PDE10A: variants seen among roughly 807,000 people sequenced by gnomAD.
PDE10A encodes the protein cAMP and cAMP-inhibited cGMP 3',5'-cyclic phosphodiesterase 10A.
A neutral mutation model predicts 97.7 loss-of-function variants in PDE10A; 39 were observed. The ratio of observed to expected loss-of-function variants is 0.40; its 90% CI spans 0.31 to 0.52. PDE10A has a LOEUF of 0.52. Among genes scored for constraint, PDE10A ranks in the 20% least tolerant of loss-of-function variants. PDE10A has a pLI of 0.56. For synonymous variants in PDE10A, 371 were observed against 376.8 expected, an observed-to-expected ratio of 0.98 and a Z score of 0.18; for missense variants, 731 against 1,047.8, an observed-to-expected ratio of 0.70 and a Z score of 4.17.
intron 17 of PDE10A, among the ~76,000 whole-genome samples, chr6:165,384,389 T>G (rs1785119307): frequency 6.6e-6 from 1 of 152,094 alleles, no homozygotes; most frequent in Non-Finnish European, 1.5e-5. Flanking sequence ...AAAACAATCC[T>G]GATGGCCAGC....
At chr6:165,511,552 CA>C (rs1439261853) in intron 2 of PDE10A, among the ~76,000 whole-genome samples, 1 of 151,960 alleles carries the variant, frequency 6.6e-6, no homozygotes, top group African/African-American at 2.4e-5. Flanking sequence ...CCAGTTTAAA[CA>C]CAATGTTTAT....
At chr6:165,548,394 G>A (rs1783845976) in intron 1 of PDE10A, among the ~76,000 whole-genome samples, 1 of 145,854 alleles carries the variant, frequency 6.9e-6, no homozygotes, top group Middle Eastern at 3.8e-3. Context: ...AGGTCTCTTT[G>A]GTCCAATAAT....
intron 2 of PDE10A, among the ~76,000 whole-genome samples, chr6:165,522,242 T>G (rs1782171055): frequency 6.6e-6 from 1 of 152,140 alleles, no homozygotes; most frequent in Non-Finnish European, 1.5e-5. Context: ...GTACCAATCC[T>G]AGTGAAACAA....
chr6:165,607,219 T>C (rs1787252327), intron 1 of PDE10A, among the ~76,000 whole-genome samples: 1 of 152,170 alleles, frequency 6.6e-6, no homozygotes, highest in South Asian at 2.1e-4. Flanking sequence ...CCCAACGCCT[T>C]GAGTTAATTT....
intron 1 of PDE10A, among the ~76,000 whole-genome samples, chr6:165,628,564 T>A (rs1387469665): frequency 6.6e-6 from 1 of 151,662 alleles, no homozygotes; most frequent in Non-Finnish European, 1.5e-5. Flanking sequence ...GGTCTCGATA[T>A]CCAGGCTCGC....
chr6:165,894,684 C>T (rs1414426541), intron 1 of PDE10A: 1 of 362,714 alleles, frequency 2.8e-6, no homozygotes, highest in African/African-American at 2.1e-5. Context: ...GAGGATTCTT[C>T]TCAATTCAGA....
chr6:165,455,574 C>G (rs1386346935), intron 3 of PDE10A, among the ~76,000 whole-genome samples: 2 of 152,240 alleles, frequency 1.3e-5, no homozygotes, highest in South Asian at 2.1e-4. Context: ...TCAAAAACTA[C>G]TAACTGCTAC....
chr6:165,340,397 A>G (rs1781903826), intron 19 of PDE10A, among the ~76,000 whole-genome samples: 1 of 152,162 alleles, frequency 6.6e-6, no homozygotes, highest in African/African-American at 2.4e-5. Context: ...TACTATCACC[A>G]TAATTAGGTA....
intron 3 of PDE10A, among the ~76,000 whole-genome samples, chr6:165,481,394 C>T (rs578210961): frequency 6.6e-6 from 1 of 152,216 alleles, no homozygotes; most frequent in South Asian, 2.1e-4. Context: ...AGGAATTCTT[C>T]CCTCCCCTAT....
At chr6:165,484,399 T>A (rs1779781129) in intron 2 of PDE10A, among the ~76,000 whole-genome samples, 1 of 152,250 alleles carries the variant, frequency 6.6e-6, no homozygotes. Flanking sequence ...TCTCTGTCAC[T>A]GCGTTACTGC....
chr6:165,448,798 T>C (rs933892330), intron 5 of PDE10A, 130 bp downstream of exon 5: 15 of 609,368 alleles, frequency 2.5e-5, no homozygotes, highest in African/African-American at 1.7e-4. Flanking sequence ...TAACCAAATA[T>C]AGAAACAAAA....
intron 1 of PDE10A, among the ~76,000 whole-genome samples, chr6:165,727,409 A>G (rs1792326739): frequency 6.6e-6 from 1 of 152,226 alleles, no homozygotes; most frequent in Non-Finnish European, 1.5e-5. Context: ...AGGGAGAGAG[A>G]GGAGGCTTTC....
chr6:165,921,154 T>C (rs1782742117), intron 1 of PDE10A, among the ~76,000 whole-genome samples: 1 of 152,202 alleles, frequency 6.6e-6, no homozygotes, highest in Non-Finnish European at 1.5e-5. Flanking sequence ...GTGCCAGCCA[T>C]ACCTCTGACT....
intron 1 of PDE10A, among the ~76,000 whole-genome samples, chr6:165,782,593 C>T (rs1778373291): frequency 6.6e-6 from 1 of 152,220 alleles, no homozygotes; most frequent in Admixed American, 6.5e-5. Context: ...CCAACCCTCC[C>T]CTGACATTTC....
At chr6:165,950,613 G>T (rs1188174227) in intron 1 of PDE10A, among the ~76,000 whole-genome samples, 2 of 152,200 alleles carry the variant, frequency 1.3e-5, no homozygotes, top group Admixed American at 1.3e-4. Context: ...CAATACCTGT[G>T]CAGACCAGGT....
At chr6:165,826,492 T>C (rs562575081) in intron 1 of PDE10A, among the ~76,000 whole-genome samples, 1 of 152,100 alleles carries the variant, frequency 6.6e-6, no homozygotes, top group East Asian at 1.9e-4. Flanking sequence ...CACGTCCCTC[T>C]GTCCCTGTGT....
At chr6:165,875,743 TTTTTG>T (rs967786298) in intron 1 of PDE10A, among the ~76,000 whole-genome samples, 3 of 150,708 alleles carry the variant, frequency 2.0e-5, no homozygotes, top group African/African-American at 7.4e-5. Context: ...TTTTTTTTTT[TTTTTG>T]TGTGTGTGTG....
At chr6:165,879,233 A>G (rs1384431580) in intron 1 of PDE10A, among the ~76,000 whole-genome samples, 1 of 152,236 alleles carries the variant, frequency 6.6e-6, no homozygotes, top group Non-Finnish European at 1.5e-5. Flanking sequence ...ACATTCATAC[A>G]ATGGCCACCA....
chr6:165,498,744 T>C (rs1780698965), intron 2 of PDE10A, among the ~76,000 whole-genome samples: 1 of 152,218 alleles, frequency 6.6e-6, no homozygotes, highest in African/African-American at 2.4e-5. Flanking sequence ...TTTTGAAGAA[T>C]CTGGGTCATG....
Sources: allele counts gnomAD v4.1 joint callset (sites outside exome capture counted in the v4.1 genomes callset), GRCh38; gene constraint gnomAD v4.1.1; transcripts MANE v1.5; gene names NCBI Gene and HGNC (gene_info 2026-07-23, HGNC 2026-07-21).